Variants in TUBB8B observed in about 807,000 individuals in gnomAD.
TUBB8B encodes the protein tubulin beta 8B.
A neutral mutation model predicts 31.9 loss-of-function variants in TUBB8B; 26 were observed. The ratio of observed to expected loss-of-function variants is 0.81; its 90% CI spans 0.60 to 1.13. The LOEUF is 1.13. Among genes scored for constraint, TUBB8B ranks in the 50% most tolerant of loss-of-function variants. The pLI, the probability that TUBB8B is intolerant of heterozygous loss-of-function variation, is 0.00. For synonymous variants in TUBB8B, 173 were observed against 231.0 expected, an observed-to-expected ratio of 0.75 and a Z score of 2.28; for missense variants, 467 against 586.7, an observed-to-expected ratio of 0.80 and a Z score of 2.11.
intron 3 of TUBB8B, 160 bp downstream of exon 3, chr18:48,780 C>T (rs1402893440): frequency 7.0e-6 from 5 of 717,844 alleles, no homozygotes; most frequent in Admixed American, 4.0e-5. Flanking sequence ...GCCTTCCTCC[C>T]GAAGCCCATT....
At chr18:65,001 A>G in the TUBB8B span, among the ~76,000 whole-genome samples, 1 of 152,080 alleles carries the variant, frequency 6.6e-6, no homozygotes, top group African/African-American at 2.4e-5. Flanking sequence ...ATAATTATTC[A>G]ATTAATAATG....
At chr18:54,577 T>C (rs1906225173), upstream of TUBB8B, among the ~76,000 whole-genome samples, 1 of 151,940 alleles carries the variant, frequency 6.6e-6, no homozygotes, top group African/African-American at 2.4e-5. Flanking sequence ...ATACTCTCTA[T>C]GACATCAATT....
chr18:53,108 A>G (rs1446996463), upstream of TUBB8B, among the ~76,000 whole-genome samples: 1 of 151,866 alleles, frequency 6.6e-6, no homozygotes, highest in Non-Finnish European at 1.5e-5. Flanking sequence ...CAGTAAAAAA[A>G]TGTGGCTATT....
chr18:55,575 A>C, the TUBB8B span, among the ~76,000 whole-genome samples: 1 of 151,608 alleles, frequency 6.6e-6, no homozygotes, highest in Non-Finnish European at 1.5e-5. Context: ...AAACCATCAG[A>C]TCTCATGAGA....
rs1003567649 is a variant in TUBB8B at position 47,275 on chromosome 18, A to C, written c.*115T>G. On this transcript the variant is annotated 3_prime_UTR_variant, in exon 4 of 4. Transcript: ENST00000308911. ...AAACCGCATACTATAAAAATGCTTT[A>C]AAACGCAGCAGGAGATGTGAAGACA... 2.3e-4 allele frequency: 133 copies of C among 576,612 alleles called. 3 individuals are homozygous for C. Among genetic ancestry groups the C allele is most frequent in the Middle Eastern group, 2.2e-3 (5 of 2,246 alleles). 35.7% of individuals were successfully genotyped at this position (576,612 alleles called of 1,614,324 possible).
the TUBB8B span, among the ~76,000 whole-genome samples, chr18:60,440 T>C: frequency 1.6e-4 from 25 of 151,786 alleles, no homozygotes; most frequent in African/African-American, 5.6e-4. Flanking sequence ...CATTGATCTT[T>C]TGCACTGTTT....
chr18:68,285 CCA>C, the TUBB8B span, among the ~76,000 whole-genome samples: 3 of 152,266 alleles, frequency 2.0e-5, no homozygotes, highest in Non-Finnish European at 2.9e-5. Context: ...ACAAAACACT[CCA>C]GTGTATTTTA....
At chr18:65,871 C>T in the TUBB8B span, among the ~76,000 whole-genome samples, 2 of 152,124 alleles carry the variant, frequency 1.3e-5, no homozygotes, top group Non-Finnish European at 2.9e-5. Context: ...CACAAAATGT[C>T]GATACACAGT....
chr18:55,884 G>A, the TUBB8B span, among the ~76,000 whole-genome samples: 3 of 151,694 alleles, frequency 2.0e-5, no homozygotes, highest in East Asian at 5.8e-4. Flanking sequence ...TGCTTATGGG[G>A]CATTATTTAA....
Position 47,974 on chromosome 18 carries a change from G to A in TUBB8B, c.751C>T (p.Arg251Trp), listed in dbSNP as rs4798099. The stretch of plus-strand genomic sequence containing the variant: ...GGGACCATGTTCACGGCCAGCTTCC[G>A]CAGGTCAGCATTCAGCTGGCCTGGG... ...RFPGQLNADL[R>W]KLAVNMVPFP... The change falls in exon 4 of 4, where the codon CGG becomes TGG. Residue 251 changes from arginine to tryptophan, a missense_variant. Physicochemically the swap from Arg to Trp is moderately radical, Grantham distance 101 (BLOSUM62 -3). Coordinates refer to ENST00000308911, the MANE Select transcript of TUBB8B (RefSeq NM_001358689.2). 767 of 1,601,872 alleles carry A rather than the reference G, an allele frequency of 4.8e-4. 1 individual carries two copies. The African/African-American group carries it at 7.7e-3, about 16-fold the overall frequency.
the TUBB8B span, among the ~76,000 whole-genome samples, chr18:60,420 C>A: frequency 6.6e-6 from 1 of 151,584 alleles, no homozygotes; most frequent in African/African-American, 2.4e-5. Context: ...AAAAAACCAA[C>A]TTTTTGTTTC....
At chr18:49,863 G>A (rs891010354), upstream of TUBB8B, 41 of 550,042 alleles carry the variant, frequency 7.5e-5, 2 homozygotes, top group Admixed American at 8.9e-4. Context: ...TAGCTGAGCT[G>A]AAACTGAATT....
At chr18:63,643 A>AAACCCT in the TUBB8B span, among the ~76,000 whole-genome samples, 10 of 149,068 alleles carry the variant, frequency 6.7e-5, no homozygotes, top group Non-Finnish European at 1.3e-4. Flanking sequence ...CCCTAACCCC[A>AAACCCT]AACCCTAACC....
At chr18:51,960 C>T (rs1481165505), upstream of TUBB8B, among the ~76,000 whole-genome samples, 1 of 151,384 alleles carries the variant, frequency 6.6e-6, no homozygotes, top group Non-Finnish European at 1.5e-5. Context: ...CACCTGTGGA[C>T]TCTGACAGGC....
chr18:60,491 C>T, the TUBB8B span, among the ~76,000 whole-genome samples: 1 of 151,316 alleles, frequency 6.6e-6, no homozygotes, highest in African/African-American at 2.4e-5. Flanking sequence ...TATTTCTTTT[C>T]TTCTAATTTT....
the TUBB8B span, among the ~76,000 whole-genome samples, chr18:70,211 CTG>C: frequency 2.0e-5 from 3 of 152,156 alleles, no homozygotes; most frequent in Non-Finnish European, 4.4e-5. Flanking sequence ...AAACTGGAAA[CTG>C]AGAGAAAATG....
the TUBB8B span, among the ~76,000 whole-genome samples, chr18:56,415 T>C: frequency 5.3e-5 from 8 of 151,966 alleles, no homozygotes; most frequent in East Asian, 1.4e-3. Flanking sequence ...TTGGATTGTA[T>C]GGACATTTTT....
Position 48,221 on chromosome 18 carries a change from G to A in TUBB8B, c.504C>T (p.Ser168=), listed in dbSNP as rs776327557. Residue 168 remains serine (S), a synonymous_variant, in exon 4 of 4, where the codon AGC becomes AGT. Coordinates refer to ENST00000308911, the MANE Select transcript of TUBB8B (RefSeq NM_001358689.2). The stretch of plus-strand genomic sequence containing the variant: ...CCGACACCTTGGGCGAGGGCAGGAT[G>A]CTGAATGTGTTTATGATCCTGTCTG... ...EYPDRIINTF[S]ILPSPKVSDT... is the part of the protein sequence containing the mutation. The A allele has an allele frequency of 3.1e-6, 5 of 1,610,648 alleles. No homozygotes were observed. The highest frequency in any genetic ancestry group is 2.2e-5 in the East Asian group (1 of 44,882).
In TUBB8B at chr18:47,672, T is replaced by C. The variant is rs750195187; in HGVS notation, c.1053A>G (p.Thr351=). The C allele has an allele frequency of 2.5e-6, 4 of 1,612,446 alleles. No homozygotes were observed. Among genetic ancestry groups the C allele is most frequent in the Non-Finnish European group, 3.4e-6 (4 of 1,179,438 alleles). ...CCCGGGGTGGGATGTCACAGACGGC[T>C]GTTTTTACGTTGTCGGGGAACCAGT... The part of the protein sequence containing the change: ...FADWFPDNVK[T]AVCDIPPRGL... The change falls in exon 4 of 4, where the codon ACA becomes ACG. Residue 351 remains threonine, a synonymous_variant. Coordinates refer to ENST00000308911, the MANE Select transcript of TUBB8B (RefSeq NM_001358689.2).
Sources: allele counts gnomAD v4.1 joint callset (sites outside exome capture counted in the v4.1 genomes callset), GRCh38; gene constraint gnomAD v4.1.1; transcripts MANE v1.5; gene names NCBI Gene and HGNC (gene_info 2026-07-23, HGNC 2026-07-21).